The following RANBP3 variants were observed in gnomAD, a reference collection of about 807,000 sequenced individuals.
RANBP3 encodes the protein RAN binding protein 3.
RANBP3 carries 14 observed loss-of-function variants against 77.3 expected under a neutral mutation model. The ratio of observed to expected loss-of-function variants is 0.18; its 90% CI spans 0.12 to 0.28. RANBP3 has a LOEUF of 0.28. Among genes scored for constraint, RANBP3 ranks in the 10% least tolerant of loss-of-function variants. The probability of loss-of-function intolerance (pLI) is 1.00; values close to 1 mark genes in which losing one functional copy is unlikely to be tolerated. For synonymous variants in RANBP3, 315 were observed against 312.4 expected, an observed-to-expected ratio of 1.01 and a Z score of -0.09; for missense variants, 586 against 752.3, an observed-to-expected ratio of 0.78 and a Z score of 2.59.
intron 12 of RANBP3, among the ~76,000 whole-genome samples, 194 bp downstream of exon 12, chr19:5,923,618 C>T (rs115164822): frequency 0.02 from 3,110 of 152,260 alleles, 115 homozygotes; most frequent in African/African-American, 0.07. Context: ...GGCCACAAGG[C>T]GACACAGGCC....
intron 4 of RANBP3, 34 bp downstream of exon 4, chr19:5,941,765 T>C: frequency 6.2e-7 from 1 of 1,612,428 alleles, no homozygotes; most frequent in Non-Finnish European, 8.5e-7. Context: ...TCTTTAAAAC[T>C]GAAGATGGTC....
At chr19:5,943,973 G>C (rs2058171323) in intron 3 of RANBP3, among the ~76,000 whole-genome samples, 2 of 152,246 alleles carry the variant, frequency 1.3e-5, no homozygotes, top group Non-Finnish European at 1.5e-5. Context: ...TTGAAGGCCG[G>C]AAGAACTCAG....
chr19:5,942,051 T>C (rs1172816285), intron 3 of RANBP3, among the ~76,000 whole-genome samples: 1 of 152,136 alleles, frequency 6.6e-6, no homozygotes, highest in Non-Finnish European at 1.5e-5. Flanking sequence ...AGGAATCCTC[T>C]CAGTGGCTGG....
In RANBP3 at chr19:5,941,500, C is replaced by T. The variant is rs1599753206; in HGVS notation, c.406+121G>A. 1.0e-5 allele frequency: 9 copies of T among 874,126 alleles called. No homozygotes were observed. The East Asian group carries it at 2.2e-4, about 22-fold the overall frequency. 54.1% of individuals were successfully genotyped at this position (874,126 alleles called of 1,614,324 possible). ...CTCACTCCTGACAGAGCCCGAGCCTCAGATCGACTCTAACCGGAGCTGGGC... is the reference window on the plus strand; with the variant it reads ...CTCACTCCTGACAGAGCCCGAGCCTTAGATCGACTCTAACCGGAGCTGGGC... On this transcript the variant is annotated intron_variant, in intron 5 of 16. Transcript: ENST00000340578.
At chr19:5,918,679 G>A in intron 14 of RANBP3, 41 bp from the exon 15 acceptor site, 1 of 1,599,208 alleles carries the variant, frequency 6.3e-7, no homozygotes, top group Non-Finnish European at 8.5e-7. Context: ...CCCCACACCG[G>A]CCCCCTCACA....
In RANBP3 at chr19:5,961,732, T is replaced by TCAAAACAAAACAAAA. The variant is rs3068973; in HGVS notation, c.23-3774_23-3760dup. Among the ~76,000 whole-genome samples, 254 of 149,356 alleles carry TCAAAACAAAACAAAA rather than the reference T, an allele frequency of 1.7e-3. 2 individuals carry two copies. Among genetic ancestry groups the TCAAAACAAAACAAAA allele is most frequent in the African/African-American group, 5.6e-3 (224 of 40,082 alleles). Reference sequence around the variant, plus strand: ...TGGGCAACAAGAGTGAAACTCTGTCTCAAAACAAAACAAAACAAAACAAAA... The same window carrying TCAAAACAAAACAAAA: ...TGGGCAACAAGAGTGAAACTCTGTCTCAAAACAAAACAAAACAAAACAAAACAAAACAAAACAAAA... On this transcript the variant is annotated intron_variant, in intron 1 of 16. Coordinates refer to ENST00000340578, the MANE Select transcript of RANBP3 (RefSeq NM_007322.3).
At chr19:5,931,654 C>T in intron 7 of RANBP3, 123 bp from the exon 8 acceptor site, 1 of 1,023,320 alleles carries the variant, frequency 9.8e-7, no homozygotes, top group African/African-American at 1.6e-5. Flanking sequence ...GCCCACAGCA[C>T]ATGTCTCCTT....
chr19:5,918,775 C>T (rs2057779521), intron 14 of RANBP3, 137 bp from the exon 15 acceptor site: 1 of 1,089,826 alleles, frequency 9.2e-7, no homozygotes, highest in Non-Finnish European at 1.3e-6. Context: ...GACCCACCCA[C>T]AGAGCAAGAC....
At chr19:5,944,471 G>A (rs986164564) in intron 3 of RANBP3, among the ~76,000 whole-genome samples, 2 of 152,160 alleles carry the variant, frequency 1.3e-5, no homozygotes, top group African/African-American at 4.8e-5. Context: ...CTGCCCACCC[G>A]GGCAGCCAAA....
chr19:5,929,071 G>A (rs763069021), intron 8 of RANBP3, among the ~76,000 whole-genome samples: 2 of 152,170 alleles, frequency 1.3e-5, no homozygotes, highest in African/African-American at 2.4e-5. Context: ...CGTGTCCAGC[G>A]GGCAGGGAAG....
chr19:5,978,068 C>G lies in RANBP3; in HGVS notation c.15G>C (p.Ala5=), dbSNP rs371691343. 3 of 1,611,038 alleles carry G rather than the reference C, an allele frequency of 1.9e-6. No homozygotes were observed. The highest frequency in any genetic ancestry group is 4.5e-5 in the East Asian group (2 of 44,556). The change falls in exon 1 of 17, where the codon GCG becomes GCC. Residue 5 remains alanine (A), a synonymous_variant. Transcript: ENST00000340578. ...CAACGGCGCCTCCCCTACCTTCGTT[C>G]GCCAGGTCCGCCATTTTACTTCCTT... is the stretch of plus-strand genomic sequence containing the variant. MADL[A]NEEKPAIAPP...
chr19:5,932,604 C>T lies in RANBP3; in HGVS notation c.473-60G>A, dbSNP rs922011521. 14 of 1,351,186 alleles carry T rather than the reference C, an allele frequency of 1.0e-5. No individual in the cohort carries two copies. The African/African-American group carries it at 1.7e-4, about 17-fold the overall frequency. The allele number at this position is 1,351,186 out of a possible 1,614,324, so 83.7% of individuals were successfully genotyped here. ...GACCCCTGCCTGCCCCCAGGCGCTTCAGAGACTGACCCCTGGCATCCCATT... is the reference window on the plus strand; with the variant it reads ...GACCCCTGCCTGCCCCCAGGCGCTTTAGAGACTGACCCCTGGCATCCCATT... On this transcript the variant is annotated intron_variant, in intron 6 of 16. Coordinates refer to ENST00000340578, the MANE Select transcript of RANBP3 (RefSeq NM_007322.3).
intron 1 of RANBP3, among the ~76,000 whole-genome samples, chr19:5,971,437 T>C (rs1385354937): frequency 6.6e-6 from 1 of 152,162 alleles, no homozygotes; most frequent in Non-Finnish European, 1.5e-5. Context: ...TAGCTGGGAC[T>C]GCAGGTGTTT....
At position 5,952,586 on chromosome 19, in the gene RANBP3, C is replaced by T. The variant is rs1164612362; in HGVS notation, c.79-990G>A. ...ACGACATGGAGCCATTTCTCGCACT[C>T]GGTGACCTACATGACTACAGGGCTG... On this transcript the variant is annotated intron_variant, in intron 2 of 16. Transcript: ENST00000340578. This position sits in a 1 kb window ranked among gnomAD's most constrained non-coding sequence, Gnocchi z 4.1. Among the ~76,000 whole-genome samples the T allele has an allele frequency of 1.3e-5, 2 of 152,216 alleles. No individual in the cohort carries two copies. The highest frequency in any genetic ancestry group is 2.1e-4 in the South Asian group (1 of 4,832).
intron 5 of RANBP3, among the ~76,000 whole-genome samples, chr19:5,938,132 T>C (rs965907889): frequency 2.6e-5 from 4 of 152,148 alleles, no homozygotes; most frequent in Non-Finnish European, 5.9e-5. Context: ...TGCTGAGAGT[T>C]ATAAGAACCC....
intron 3 of RANBP3, among the ~76,000 whole-genome samples, chr19:5,942,599 G>C (rs780052827): frequency 5.3e-5 from 8 of 151,882 alleles, no homozygotes; most frequent in Non-Finnish European, 1.2e-4. Context: ...TCAGCTACAG[G>C]CTGAGGCACA....
At chr19:5,926,756 C>T (rs1486452637) in intron 9 of RANBP3, among the ~76,000 whole-genome samples, 1 of 152,136 alleles carries the variant, frequency 6.6e-6, no homozygotes, top group African/African-American at 2.4e-5. Context: ...CTCTTGCCCT[C>T]CCTCCTTGGA....
intron 3 of RANBP3, among the ~76,000 whole-genome samples, chr19:5,948,366 G>A (rs1362777748): frequency 1.3e-5 from 2 of 151,832 alleles, no homozygotes; most frequent in Admixed American, 6.6e-5. Context: ...GCAGGAGAAC[G>A]GCGTGAACCC....
intron 7 of RANBP3, among the ~76,000 whole-genome samples, chr19:5,931,993 C>T (rs2057999258): frequency 6.6e-6 from 1 of 152,074 alleles, no homozygotes; most frequent in African/African-American, 2.4e-5. Context: ...TATGATTGCA[C>T]CAGTGCACTC....
Sources: gnomAD v4.1 joint callset for allele counts (sites outside exome capture counted in the v4.1 genomes callset) on GRCh38, gnomAD v4.1.1 for gene constraint, Gnocchi (gnomAD v3.1) non-coding constraint, MANE v1.5 for transcripts, NCBI Gene and HGNC (gene_info 2026-07-23, HGNC 2026-07-21) for gene names.